Variants in ADAMTS17 observed in about 807,000 individuals in gnomAD.
The protein encoded by ADAMTS17 is ADAM metallopeptidase with thrombospondin type 1 motif 17, also known as A disintegrin and metalloproteinase with thrombospondin motifs 17.
ADAMTS17 carries 113 observed loss-of-function variants against 141.5 expected under a neutral mutation model. The observed-to-expected ratio is 0.80, with a 90% CI of 0.69 to 0.93. The LOEUF (loss-of-function observed/expected upper bound fraction) is 0.93, where lower values mean the gene tolerates loss of function less well. Ranked by LOEUF, ADAMTS17 falls within the 40% of genes least tolerant of loss-of-function variation. The pLI is 0.00. For missense variants in ADAMTS17, 1,659 were observed against 1,517.9 expected (o/e 1.09, Z -1.54); for synonymous variants, 768 against 630.6 (o/e 1.22, Z -3.27).
intron 8 of ADAMTS17, among the ~76,000 whole-genome samples, chr15:100,183,296 C>G (rs1435440273): frequency 6.6e-6 from 1 of 152,140 alleles, no homozygotes; most frequent in East Asian, 1.9e-4. Flanking sequence ...TCTGGGATTC[C>G]TGATACAAGC....
intron 14 of ADAMTS17, among the ~76,000 whole-genome samples, chr15:100,097,339 A>G (rs1346064761): frequency 1.3e-5 from 2 of 152,180 alleles, no homozygotes; most frequent in African/African-American, 4.8e-5. Context: ...TGCACCCCAG[A>G]TTACATATTG....
At chr15:100,015,837 A>G (rs896228787) in intron 18 of ADAMTS17, among the ~76,000 whole-genome samples, 3 of 152,142 alleles carry the variant, frequency 2.0e-5, no homozygotes, top group African/African-American at 7.2e-5. Context: ...CCTGATGACA[A>G]TGTGCCTAAG....
At position 100,190,811 on chromosome 15, in the gene ADAMTS17, T is replaced by G. The variant is rs72755247; in HGVS notation, c.1181+8507A>C. On this transcript the variant is annotated intron_variant, in intron 8 of 21. Transcript: ENST00000268070. ...AGCTGTGTAAGCCAAAGGTGTCTTT[T>G]CAAGTAAAGGTGAAGTGAGTCCAGT... Among the ~76,000 whole-genome samples the G allele has an allele frequency of 6.8e-3, 1,042 of 152,292 alleles. 8 individuals carry two copies. Among genetic ancestry groups the G allele is most frequent in the Non-Finnish European group, 9.6e-3 (656 of 68,018 alleles).
chr15:100,244,471 G>C (rs749076776), intron 7 of ADAMTS17, among the ~76,000 whole-genome samples: 17 of 151,718 alleles, frequency 1.1e-4, no homozygotes, highest in Non-Finnish European at 1.8e-4. Context: ...CACGTGTCAT[G>C]GGAGGGACCT....
At chr15:100,251,935 C>T (rs527487078) in intron 7 of ADAMTS17, among the ~76,000 whole-genome samples, 8 of 152,174 alleles carry the variant, frequency 5.3e-5, no homozygotes, top group Non-Finnish European at 7.3e-5. Context: ...TCTGCCGACA[C>T]CTGGATCTAG....
intron 18 of ADAMTS17, among the ~76,000 whole-genome samples, chr15:100,027,316 G>A (rs573119803): frequency 1.3e-5 from 2 of 150,102 alleles, no homozygotes; most frequent in African/African-American, 4.9e-5. Flanking sequence ...TTTTCATTTT[G>A]TCAGAGCATA....
intron 15 of ADAMTS17, among the ~76,000 whole-genome samples, chr15:100,064,732 G>A (rs2033390297): frequency 6.6e-6 from 1 of 152,202 alleles, no homozygotes; most frequent in Non-Finnish European, 1.5e-5. Flanking sequence ...GGGAAAACAT[G>A]ACGGAAGCTG....
At chr15:100,166,319 G>A (rs891288460) in intron 8 of ADAMTS17, among the ~76,000 whole-genome samples, 66 of 152,168 alleles carry the variant, frequency 4.3e-4, no homozygotes, top group Admixed American at 1.3e-4. Flanking sequence ...TGGCTTTTCA[G>A]ATGATTCTTT....
Position 99,997,740 on chromosome 15 carries a change from C to CA in ADAMTS17, c.2592-152dup, listed in dbSNP as rs1474165799. On this transcript the variant is annotated intron_variant, in intron 18 of 21. Transcript: ENST00000268070. This position sits in a 1 kb window ranked among gnomAD's most constrained non-coding sequence, Gnocchi z 4.7. The stretch of plus-strand genomic sequence containing the variant: ...TTTTCAGCCAACCCTGGACATAACT[C>CA]AGAGTATCGGCACAGAGGGAGTGAC... 3.5e-5 allele frequency: 32 copies of CA among 927,080 alleles called. No homozygotes were observed. The Admixed American group carries it at 3.9e-4, about 11-fold the overall frequency. 57.4% of individuals were successfully genotyped at this position (927,080 alleles called of 1,614,324 possible).
intron 8 of ADAMTS17, among the ~76,000 whole-genome samples, chr15:100,184,716 GTGT>G (rs1318686669): frequency 2.0e-5 from 3 of 152,152 alleles, no homozygotes; most frequent in African/African-American, 7.2e-5. Flanking sequence ...CTCCGCTCCT[GTGT>G]CTGGTCTGTC....
chr15:100,200,601 A>C (rs1438421990), intron 7 of ADAMTS17, among the ~76,000 whole-genome samples: 2 of 152,182 alleles, frequency 1.3e-5, no homozygotes, highest in African/African-American at 4.8e-5. Flanking sequence ...TGTGACACGC[A>C]AGCGGATGGT....
At chr15:100,031,189 C>T (rs2030128397) in intron 18 of ADAMTS17, among the ~76,000 whole-genome samples, 1 of 152,166 alleles carries the variant, frequency 6.6e-6, no homozygotes, top group Non-Finnish European at 1.5e-5. Context: ...CAATGCCCAC[C>T]ATGTGAAGCT....
chr15:100,126,816 A>G (rs867310629), intron 12 of ADAMTS17, among the ~76,000 whole-genome samples: 36 of 152,350 alleles, frequency 2.4e-4, no homozygotes, highest in African/African-American at 8.2e-4. Context: ...CATGGTGTCC[A>G]AACAGGTGTG....
intron 10 of ADAMTS17, among the ~76,000 whole-genome samples, chr15:100,142,247 C>T (rs1392868517): frequency 6.6e-6 from 1 of 152,222 alleles, no homozygotes; most frequent in African/African-American, 2.4e-5. Flanking sequence ...CCCCAAGCAT[C>T]TCTCTAGCCA....
intron 3 of ADAMTS17, among the ~76,000 whole-genome samples, chr15:100,315,938 A>C (rs1298024869): frequency 6.6e-6 from 1 of 152,248 alleles, no homozygotes; most frequent in African/African-American, 2.4e-5. Context: ...GCAGAGCCTA[A>C]GAGGCTCACT....
At chr15:100,096,279 G>A (rs1054721656) in intron 15 of ADAMTS17, 77 bp downstream of exon 15, 24 of 1,601,548 alleles carry the variant, frequency 1.5e-5, no homozygotes, top group South Asian at 2.2e-5. Context: ...TGAAATGTAG[G>A]GAAGACTGCA....
intron 3 of ADAMTS17, among the ~76,000 whole-genome samples, chr15:100,283,956 A>G (rs764838971): frequency 6.6e-6 from 1 of 152,162 alleles, no homozygotes; most frequent in East Asian, 1.9e-4. Context: ...AATTACAAAA[A>G]TTAGCCAGGC....
At chr15:100,153,487 C>G (rs2039287308) in intron 9 of ADAMTS17, among the ~76,000 whole-genome samples, 1 of 152,070 alleles carries the variant, frequency 6.6e-6, no homozygotes, top group African/African-American at 2.4e-5. Context: ...ACTAAAAACA[C>G]ACAAATTAGC....
At chr15:100,094,623 C>A (rs1451216166) in intron 15 of ADAMTS17, among the ~76,000 whole-genome samples, 3 of 152,206 alleles carry the variant, frequency 2.0e-5, no homozygotes, top group Non-Finnish European at 2.9e-5. Context: ...CCTGGCTGTA[C>A]CTGACTTGTC....
Sources: allele counts gnomAD v4.1 joint callset (sites outside exome capture counted in the v4.1 genomes callset), GRCh38; gene constraint gnomAD v4.1.1; non-coding constraint Gnocchi (gnomAD v3.1); transcripts MANE v1.5; gene names NCBI Gene and HGNC (gene_info 2026-07-23, HGNC 2026-07-21).